The following TTBK2 variants were observed in gnomAD, a reference collection of about 807,000 sequenced individuals.
The protein encoded by TTBK2 is tau tubulin kinase 2.
Under a neutral mutation model 110.8 loss-of-function variants are expected in TTBK2, and 28 were observed. The ratio of observed to expected loss-of-function variants is 0.25; its 90% confidence interval spans 0.19 to 0.35. The LOEUF (loss-of-function observed/expected upper bound fraction) is 0.35. Ranked by LOEUF, TTBK2 falls within the 10% of genes least tolerant of loss-of-function variation. TTBK2 has a pLI of 1.00. For missense variants in TTBK2, 1,369 were observed against 1,500.3 expected (o/e 0.91, Z 1.45); for synonymous variants, 532 against 527.3 (o/e 1.01, Z -0.12).
rs998277428 is a variant in TTBK2 at position 42,878,794 on chromosome 15, T to C, written c.-67-110A>G. The C allele has an allele frequency of 4.4e-6, 6 of 1,374,192 alleles. No individual in the cohort carries two copies. The Admixed American group carries it at 1.1e-4, about 26-fold the overall frequency. The allele number at this position is 1,374,192 out of a possible 1,614,324, so 85.1% of individuals were successfully genotyped here. A position where few individuals can be genotyped will look rare whatever the true frequency, so the allele number is the denominator to read the frequency against. ...CTAATACTATACACTAATTAGGCTA[T>C]TTTGTTGGGAAGAAGGGGAAAAAGA... On this transcript the variant is annotated intron_variant, in intron 1 of 14. Coordinates refer to ENST00000267890, the MANE Select transcript of TTBK2 (RefSeq NM_173500.4).
At chr15:42,797,328 A>G (rs926075509) in intron 9 of TTBK2, among the ~76,000 whole-genome samples, 2 of 152,216 alleles carry the variant, frequency 1.3e-5, no homozygotes, top group Admixed American at 6.5e-5. Context: ...ACAGTATTGT[A>G]TGTCTTAGAA....
chr15:42,832,727 G>A (rs906705106), intron 4 of TTBK2, among the ~76,000 whole-genome samples: 1 of 152,108 alleles, frequency 6.6e-6, no homozygotes, highest in African/African-American at 2.4e-5. Context: ...ATACCATCCT[G>A]CTCCGTCAGG....
intron 10 of TTBK2, among the ~76,000 whole-genome samples, chr15:42,791,296 G>A (rs79737031): frequency 6.6e-6 from 1 of 152,196 alleles, no homozygotes; most frequent in Non-Finnish European, 1.5e-5. Context: ...GGGATTACAA[G>A]TATGAGCCAT....
intron 4 of TTBK2, among the ~76,000 whole-genome samples, chr15:42,837,911 G>A (rs1230458742): frequency 6.6e-6 from 1 of 151,772 alleles, no homozygotes; most frequent in Non-Finnish European, 1.5e-5. Flanking sequence ...TAACTTGAAA[G>A]AAAATAAAGA....
intron 10 of TTBK2, among the ~76,000 whole-genome samples, chr15:42,788,512 G>A (rs1890507125): frequency 6.6e-6 from 1 of 152,132 alleles, no homozygotes; most frequent in African/African-American, 2.4e-5. Flanking sequence ...CTATGAGTGT[G>A]TTTTTATGTC....
chr15:42,801,528 G>T, intron 9 of TTBK2: 1 of 766,784 alleles, frequency 1.3e-6, no homozygotes. Context: ...TCATCCCCAT[G>T]CTTCTGACCC....
At chr15:42,907,221 C>T (rs915581042) in intron 1 of TTBK2, among the ~76,000 whole-genome samples, 2 of 152,182 alleles carry the variant, frequency 1.3e-5, no homozygotes, top group African/African-American at 4.8e-5. Context: ...CGCTCATACA[C>T]TGCTGGTAGG....
intron 1 of TTBK2, among the ~76,000 whole-genome samples, chr15:42,895,754 G>A (rs931795744): frequency 1.3e-5 from 2 of 151,882 alleles, no homozygotes; most frequent in African/African-American, 2.4e-5. Context: ...AGACAGGATG[G>A]CCTCGATCTC....
intron 14 of TTBK2, among the ~76,000 whole-genome samples, chr15:42,748,204 C>T (rs1029422142): frequency 6.6e-6 from 1 of 152,086 alleles, no homozygotes; most frequent in Admixed American, 6.5e-5. Flanking sequence ...CACCTGTAAT[C>T]CCAGCACTTT....
chr15:42,757,017 T>C (rs192061641), intron 13 of TTBK2, among the ~76,000 whole-genome samples: 1 of 152,304 alleles, frequency 6.6e-6, no homozygotes, highest in African/African-American at 2.4e-5. Context: ...ATTTCCATAG[T>C]ACTTTAAATT....
intron 6 of TTBK2, among the ~76,000 whole-genome samples, chr15:42,824,273 T>A (rs1380643315): frequency 6.6e-6 from 1 of 152,158 alleles, no homozygotes; most frequent in African/African-American, 2.4e-5. Context: ...GTTATATGAA[T>A]CTATACATGT....
At chr15:42,909,247 T>C (rs2030605280) in intron 1 of TTBK2, among the ~76,000 whole-genome samples, 1 of 152,218 alleles carries the variant, frequency 6.6e-6, no homozygotes, top group South Asian at 2.1e-4. Context: ...GCCTAAGCGA[T>C]CCTCCTGCCT....
intron 13 of TTBK2, among the ~76,000 whole-genome samples, chr15:42,763,159 T>TATATAC (rs1889136339): frequency 8.8e-4 from 7 of 7,994 alleles, no homozygotes; most frequent in Admixed American, 1.7e-3. Flanking sequence ...TATATATACA[T>TATATAC]ATATATATAT....
intron 13 of TTBK2, among the ~76,000 whole-genome samples, chr15:42,769,084 T>A (rs12594699): frequency 0.057 from 8,672 of 152,220 alleles, 561 homozygotes; most frequent in African/African-American, 0.17. Flanking sequence ...TTGGATCCCT[T>A]CCATACACCT....
intron 10 of TTBK2, among the ~76,000 whole-genome samples, chr15:42,792,986 T>C (rs1890763839): frequency 6.6e-6 from 1 of 152,164 alleles, no homozygotes; most frequent in East Asian, 1.9e-4. Context: ...CTAACAACAA[T>C]CAAAGGGGAA....
At chr15:42,768,765 A>G (rs968448774) in intron 13 of TTBK2, among the ~76,000 whole-genome samples, 4 of 152,200 alleles carry the variant, frequency 2.6e-5, no homozygotes, top group Non-Finnish European at 5.9e-5. Context: ...AACTACTTTA[A>G]AGTTCATATG....
At chr15:42,812,454 C>T (rs1891763963) in intron 7 of TTBK2, among the ~76,000 whole-genome samples, 1 of 152,056 alleles carries the variant, frequency 6.6e-6, no homozygotes. Flanking sequence ...AAAAACCAAG[C>T]CTAGAAATTA....
At chr15:42,878,492 TACACACACACACACACACACAC>T (rs10650948) in intron 2 of TTBK2, 35 bp downstream of exon 2, 809 of 1,542,304 alleles carry the variant, frequency 5.2e-4, no homozygotes, top group Non-Finnish European at 6.6e-4. Context: ...CCGATATGTA[TACACACACACACACACACACAC>T]ACACACACAC....
chr15:42,802,504 G>A (rs1891267006), intron 9 of TTBK2: 10 of 503,660 alleles, frequency 2.0e-5, no homozygotes, highest in Non-Finnish European at 3.6e-5. Flanking sequence ...CTCTTCTTGG[G>A]GATTTTAGCA....
Sources: allele counts gnomAD v4.1 joint callset (sites outside exome capture counted in the v4.1 genomes callset), GRCh38; gene constraint gnomAD v4.1.1; transcripts MANE v1.5; gene names NCBI Gene and HGNC (gene_info 2026-07-23, HGNC 2026-07-21).